FAM240A: variants seen among roughly 807,000 people sequenced by gnomAD.
FAM240A encodes the protein family with sequence similarity 240 member A.
Under a neutral mutation model 7.3 loss-of-function variants are expected in FAM240A, and 8 were observed. The ratio of observed to expected loss-of-function variants is 1.09; its 90% CI spans 0.64 to 1.97. FAM240A has a LOEUF of 1.97. FAM240A is among the 30% of genes most tolerant of loss of function. FAM240A has a pLI of 0.00. For synonymous variants in FAM240A, 32 were observed against 35.9 expected, an observed-to-expected ratio of 0.89 and a Z score of 0.38; for missense variants, 90 against 102.2, an observed-to-expected ratio of 0.88 and a Z score of 0.52.
At position 46,622,900 on chromosome 3, in the gene FAM240A, A is replaced by G. The variant is rs186671833; in HGVS notation, c.162-2228A>G. Among the ~76,000 whole-genome samples the G allele has an allele frequency of 1.4e-4, 22 of 152,312 alleles. 1 individual carries two copies. The highest frequency in any genetic ancestry group is 1.4e-3 in the Admixed American group (22 of 15,294). ...ATCAACTTGTCAGTTTCTGTTATGTAAAACAGCCTGCTGGTTTGATTGGGA... is the reference window on the plus strand; with the variant it reads ...ATCAACTTGTCAGTTTCTGTTATGTGAAACAGCCTGCTGGTTTGATTGGGA... On this transcript the variant is annotated intron_variant, in intron 2 of 2. Coordinates refer to ENST00000640551, the MANE Select transcript of FAM240A (RefSeq NM_001195442.2).
At chr3:46,618,223 G>A (rs910250293) in intron 2 of FAM240A, among the ~76,000 whole-genome samples, 2 of 152,184 alleles carry the variant, frequency 1.3e-5, no homozygotes, top group Non-Finnish European at 2.9e-5. Flanking sequence ...AGCCCTAGAG[G>A]GGAACCCAGC....
In FAM240A at chr3:46,625,174, C is replaced by T. The variant is rs774530568; in HGVS notation, c.208C>T (p.Arg70Trp). 26 of 1,533,762 alleles carry T rather than the reference C, an allele frequency of 1.7e-5. No homozygotes were observed. Among genetic ancestry groups the T allele is most frequent in the South Asian group, 1.2e-4 (10 of 83,818 alleles). The change falls in exon 3 of 3, where the codon CGG becomes TGG. Residue 70 changes from arginine to tryptophan, a missense_variant. Transcript: ENST00000640551. ...GAGGCTGGAAACAAAGCTGAGGCTG[C>T]GGAACAATCCAGAGGACACTGAAAA... ...KQRLETKLRL[R>W]NNPEDTEKRT... is the part of the protein sequence containing the mutation.
At chr3:46,618,782 G>A (rs1697659028) in intron 2 of FAM240A, among the ~76,000 whole-genome samples, 1 of 151,690 alleles carries the variant, frequency 6.6e-6, no homozygotes, top group South Asian at 2.1e-4. Flanking sequence ...AGAGGTTGTG[G>A]TGAGCCGAGA....
intron 2 of FAM240A, among the ~76,000 whole-genome samples, chr3:46,624,215 C>T (rs903531315): frequency 3.3e-5 from 5 of 150,628 alleles, no homozygotes; most frequent in Non-Finnish European, 5.9e-5. Context: ...TCTACATATG[C>T]TATAACCCCA....
chr3:46,612,740 C>T (rs2107136947), intron 1 of FAM240A, 42 bp downstream of exon 1: 1 of 1,481,972 alleles, frequency 6.7e-7, no homozygotes, highest in Non-Finnish European at 9.1e-7. Context: ...AGTAAAATTC[C>T]TAATGGTTAT....
chr3:46,616,125 G>T (rs550306175), intron 1 of FAM240A, among the ~76,000 whole-genome samples: 1 of 152,348 alleles, frequency 6.6e-6, no homozygotes, highest in African/African-American at 2.4e-5. Flanking sequence ...GGAAGGAAGG[G>T]CAGAGGCGTT....
intron 2 of FAM240A, among the ~76,000 whole-genome samples, chr3:46,622,363 C>A (rs966405000): frequency 1.3e-5 from 2 of 152,028 alleles, no homozygotes; most frequent in Non-Finnish European, 2.9e-5. Flanking sequence ...GCCTCGGCCT[C>A]CCAAAGTGCT....
chr3:46,617,987 A>T (rs1384755693), intron 2 of FAM240A, among the ~76,000 whole-genome samples: 2 of 152,162 alleles, frequency 1.3e-5, no homozygotes, highest in South Asian at 2.1e-4. Flanking sequence ...CACTGCAGAA[A>T]GCCATCATGG....
At position 46,612,568 on chromosome 3, in the gene FAM240A, C is replaced by T. The variant is rs1697575194; in HGVS notation, c.-116C>T. ...TAAGGCTTGCGAGGGACAAATGTTC[C>T]TTTGTTCTTGTTGATTTGCTGAACG... is the stretch of plus-strand genomic sequence containing the variant. On this transcript the variant is annotated 5_prime_UTR_variant, in exon 1 of 3. Transcript: ENST00000640551. The T allele has an allele frequency of 2.5e-6, 2 of 800,318 alleles. No homozygotes were observed. Among genetic ancestry groups the T allele is most frequent in the Admixed American group, 2.1e-5 (1 of 48,480 alleles). 49.6% of individuals were successfully genotyped at this position (800,318 alleles called of 1,614,324 possible).
chr3:46,617,158 T>C (rs1363280108), intron 1 of FAM240A, 25 bp from the exon 2 acceptor site: 3 of 1,483,146 alleles, frequency 2.0e-6, no homozygotes, highest in African/African-American at 1.4e-5. Flanking sequence ...TTTTTGGTTA[T>C]TTGTATGGCT....
chr3:46,619,289 C>T (rs1412103880), intron 2 of FAM240A, among the ~76,000 whole-genome samples: 1 of 152,140 alleles, frequency 6.6e-6, no homozygotes, highest in Non-Finnish European at 1.5e-5. Context: ...CAGCTGGTTG[C>T]CTGGGCTCAC....
At chr3:46,614,996 T>C (rs1276013510) in intron 1 of FAM240A, among the ~76,000 whole-genome samples, 1 of 152,192 alleles carries the variant, frequency 6.6e-6, no homozygotes, top group Non-Finnish European at 1.5e-5. Flanking sequence ...CAGAACTTTA[T>C]AAATTGCAGA....
At chr3:46,617,454 G>C (rs1405938459) in intron 2 of FAM240A, 126 bp downstream of exon 2, 1 of 729,048 alleles carries the variant, frequency 1.4e-6, no homozygotes, top group African/African-American at 1.8e-5. Flanking sequence ...GAGCCCCCAC[G>C]CAATTGCCCC....
intron 2 of FAM240A, among the ~76,000 whole-genome samples, chr3:46,622,509 T>C (rs551932529): frequency 4.6e-5 from 7 of 152,302 alleles, no homozygotes; most frequent in Admixed American, 2.0e-4. Context: ...AGAAGTCTTA[T>C]GAATTTAAGT....
chr3:46,621,240 C>A (rs936564876), intron 2 of FAM240A, among the ~76,000 whole-genome samples: 4 of 152,202 alleles, frequency 2.6e-5, no homozygotes, highest in Middle Eastern at 6.8e-3. Flanking sequence ...AGTGTAATAT[C>A]TTCACAGTGA....
At chr3:46,615,320 C>T (rs573590506) in intron 1 of FAM240A, among the ~76,000 whole-genome samples, 2 of 151,376 alleles carry the variant, frequency 1.3e-5, no homozygotes, top group Non-Finnish European at 3.0e-5. Flanking sequence ...AGCCTGAGCC[C>T]ACTCCCCATA....
Position 46,612,573 on chromosome 3 carries a change from T to C in FAM240A, c.-111T>C. ...CTTGCGAGGGACAAATGTTCCTTTG[T>C]TCTTGTTGATTTGCTGAACGTGAAT... On this transcript the variant is annotated 5_prime_UTR_variant, in exon 1 of 3. Transcript: ENST00000640551. 2.4e-6 allele frequency: 2 copies of C among 817,384 alleles called. No individual in the cohort carries two copies. Among genetic ancestry groups the C allele is most frequent in the Non-Finnish European group, 4.1e-6 (2 of 492,890 alleles). 50.6% of individuals were successfully genotyped at this position (817,384 alleles called of 1,614,324 possible).
In FAM240A at chr3:46,617,180, T is replaced by C. The variant is rs1470772862; in HGVS notation, c.16-3T>C. On this transcript the variant is annotated splice_region_variant and splice_polypyrimidine_tract_variant and intron_variant, in intron 1 of 2. Transcript: ENST00000640551. ...TTATTTGTATGGCTATTTTCCTTTTTAGGGGATGAACAATCAATACACCCG... is the reference window on the plus strand; with the variant it reads ...TTATTTGTATGGCTATTTTCCTTTTCAGGGGATGAACAATCAATACACCCG... The C allele has an allele frequency of 1.3e-6, 2 of 1,518,582 alleles. No individual in the cohort carries two copies. Among genetic ancestry groups the C allele is most frequent in the South Asian group, 1.2e-5 (1 of 80,206 alleles). 94.1% of individuals were successfully genotyped at this position (1,518,582 alleles called of 1,614,324 possible).
chr3:46,612,803 A>C, intron 1 of FAM240A, 105 bp downstream of exon 1: 1 of 872,568 alleles, frequency 1.1e-6, no homozygotes, highest in Non-Finnish European at 1.8e-6. Context: ...CAGCAGCACG[A>C]ATTCTCTCAA....
Sources: gnomAD v4.1 joint callset for allele counts (sites outside exome capture counted in the v4.1 genomes callset) on GRCh38, gnomAD v4.1.1 for gene constraint, MANE v1.5 for transcripts, NCBI Gene and HGNC (gene_info 2026-07-23, HGNC 2026-07-21) for gene names.